Variants in TCF12 observed in about 807,000 individuals in gnomAD.
The protein encoded by TCF12 is DNA-binding protein HTF4.
Under a neutral mutation model 86.0 loss-of-function variants are expected in TCF12, and 45 were observed. That is an observed-to-expected ratio of 0.52 (90% confidence interval 0.41 to 0.67). TCF12 has a LOEUF of 0.67. TCF12 is among the 30% of genes least tolerant of loss of function. The pLI, the probability that TCF12 is intolerant of heterozygous loss-of-function variation, is 0.00. For synonymous variants in TCF12, 330 were observed against 299.6 expected (o/e 1.10, Z -1.05); for missense variants, 881 against 859.9 (o/e 1.02, Z -0.31).
At chr15:57,028,506 G>A (rs1050527288) in intron 3 of TCF12, among the ~76,000 whole-genome samples, 3 of 152,088 alleles carry the variant, frequency 2.0e-5, no homozygotes, top group East Asian at 3.9e-4. Flanking sequence ...GTTCATGTAT[G>A]TATCTTCTTT....
At chr15:57,138,863 C>T (rs576852896) in intron 5 of TCF12, among the ~76,000 whole-genome samples, 23 of 152,176 alleles carry the variant, frequency 1.5e-4, no homozygotes, top group African/African-American at 5.5e-4. Flanking sequence ...TTTGCTGTTA[C>T]TAAATGATCA....
Position 57,251,575 on chromosome 15 carries a change from A to G in TCF12, c.1188+152A>G, listed in dbSNP as rs192278905. On this transcript the variant is annotated intron_variant, in intron 14 of 20. Transcript: ENST00000333725. ...GATTCATTTGAACAATATAAGACAC[A>G]TTGGGTATGCCTTTTGCCATCTGTT... is the stretch of plus-strand genomic sequence containing the variant. The G allele has an allele frequency of 9.2e-4, 655 of 713,342 alleles. 3 individuals carry two copies. Among genetic ancestry groups the G allele is most frequent in the Non-Finnish European group, 4.8e-4 (207 of 429,406 alleles). The allele number at this position is 713,342 out of a possible 1,614,324, so 44.2% of individuals were successfully genotyped here.
At chr15:56,985,997 C>T (rs1171333421) in intron 3 of TCF12, among the ~76,000 whole-genome samples, 2 of 152,072 alleles carry the variant, frequency 1.3e-5, no homozygotes, top group Non-Finnish European at 2.9e-5. Flanking sequence ...TGAGATCACC[C>T]AGCAGTTTTT....
chr15:57,066,253 G>A (rs894073959), intron 4 of TCF12, among the ~76,000 whole-genome samples: 6 of 151,992 alleles, frequency 3.9e-5, no homozygotes, highest in African/African-American at 1.5e-4. Flanking sequence ...AAGCATAAAT[G>A]GGTATAATTG....
chr15:57,006,704 C>T (rs71478613), intron 3 of TCF12, among the ~76,000 whole-genome samples: 1,995 of 151,902 alleles, frequency 0.013, 22 homozygotes, highest in Non-Finnish European at 0.022. Context: ...ATTGCTTGAG[C>T]TTAGGAGTTT....
At chr15:57,247,953 T>C in intron 13 of TCF12, 1 of 748,456 alleles carries the variant, frequency 1.3e-6, no homozygotes, top group South Asian at 1.4e-5. Context: ...GCAAAAGCTC[T>C]GGTTCCTTTG....
At chr15:56,988,349 T>G (rs1447358085) in intron 3 of TCF12, among the ~76,000 whole-genome samples, 1 of 152,188 alleles carries the variant, frequency 6.6e-6, no homozygotes, top group African/African-American at 2.4e-5. Context: ...CTGTACAGCA[T>G]GTTACTCATC....
At chr15:57,112,403 G>A (rs745548665) in intron 5 of TCF12, among the ~76,000 whole-genome samples, 1 of 152,186 alleles carries the variant, frequency 6.6e-6, no homozygotes, top group African/African-American at 2.4e-5. Context: ...GTGGAGGAAG[G>A]AACACTACTC....
Position 57,252,471 on chromosome 15 carries a change from C to T in TCF12, c.1239C>T (p.Ser413=), listed in dbSNP as rs1287203606. The T allele has an allele frequency of 1.9e-6, 3 of 1,613,720 alleles. No homozygotes were observed. Among genetic ancestry groups the T allele is most frequent in the African/African-American group, 1.3e-5 (1 of 74,928 alleles). ...QLHEHLQDAM[S]FLKDVCEQSR... ...ACGAGCATTTGCAAGATGCAATGTC[C>T]TTCTTAAAGGATGTCTGTGAGGTAC... is the stretch of plus-strand genomic sequence containing the variant. The change falls in exon 15 of 21, where the codon TCC becomes TCT. Residue 413 remains serine, a synonymous_variant. Coordinates refer to ENST00000333725, the MANE Select transcript of TCF12 (RefSeq NM_207037.2).
intron 4 of TCF12, among the ~76,000 whole-genome samples, chr15:57,068,890 G>A (rs1170877551): frequency 6.6e-6 from 1 of 152,072 alleles, no homozygotes; most frequent in Non-Finnish European, 1.5e-5. Context: ...TGTGATAATA[G>A]GTATGAAGTA....
intron 3 of TCF12, among the ~76,000 whole-genome samples, chr15:56,945,775 G>A (rs1034119900): frequency 9.2e-5 from 14 of 152,112 alleles, no homozygotes; most frequent in Admixed American, 1.3e-4. Flanking sequence ...GTATTAATAG[G>A]TATATTGTTA....
chr15:57,080,356 C>T (rs766939995), intron 4 of TCF12, among the ~76,000 whole-genome samples: 17 of 152,130 alleles, frequency 1.1e-4, no homozygotes, highest in Non-Finnish European at 2.1e-4. Context: ...GTACTGTCTG[C>T]CTTTGATGTT....
chr15:57,029,885 T>A (rs1213107837), intron 3 of TCF12, among the ~76,000 whole-genome samples: 1 of 152,244 alleles, frequency 6.6e-6, no homozygotes, highest in African/African-American at 2.4e-5. Flanking sequence ...ACATGTGAGA[T>A]TCAACTATGT....
intron 4 of TCF12, among the ~76,000 whole-genome samples, chr15:57,084,698 A>G (rs1467898685): frequency 1.3e-5 from 2 of 152,272 alleles, no homozygotes; most frequent in East Asian, 3.9e-4. Context: ...AAAAGATACT[A>G]TCTAGTATTT....
At chr15:57,117,974 A>G (rs2050957489) in intron 5 of TCF12, among the ~76,000 whole-genome samples, 1 of 152,162 alleles carries the variant, frequency 6.6e-6, no homozygotes, top group African/African-American at 2.4e-5. Context: ...TGATAATTTC[A>G]TTGAGTCATT....
chr15:57,071,763 G>A (rs575920093), intron 4 of TCF12, among the ~76,000 whole-genome samples: 2 of 152,324 alleles, frequency 1.3e-5, no homozygotes, highest in South Asian at 4.1e-4. Flanking sequence ...TCCAGAGGAG[G>A]GAGATTACTT....
intron 4 of TCF12, among the ~76,000 whole-genome samples, chr15:57,075,131 G>C (rs888116279): frequency 2.6e-5 from 4 of 152,182 alleles, no homozygotes; most frequent in Non-Finnish European, 4.4e-5. Flanking sequence ...GTTAGGACTG[G>C]AAATTATTTT....
chr15:57,122,983 G>A (rs147830854), intron 5 of TCF12, among the ~76,000 whole-genome samples: 1 of 152,316 alleles, frequency 6.6e-6, no homozygotes, highest in African/African-American at 2.4e-5. Flanking sequence ...TCAGATTATT[G>A]TGGAGAAAAG....
At chr15:57,244,713 A>G (rs562582914) in intron 13 of TCF12, among the ~76,000 whole-genome samples, 1 of 151,202 alleles carries the variant, frequency 6.6e-6, no homozygotes, top group South Asian at 2.1e-4. Context: ...CACCTGCTTC[A>G]TCCTTCTCCC....
Sources: allele counts gnomAD v4.1 joint callset (sites outside exome capture counted in the v4.1 genomes callset), GRCh38; gene constraint gnomAD v4.1.1; transcripts MANE v1.5; gene names NCBI Gene and HGNC (gene_info 2026-07-23, HGNC 2026-07-21).